ATF7IP: variants seen among roughly 807,000 people sequenced by gnomAD.
ATF7IP encodes activating transcription factor 7-interacting protein 1.
ATF7IP carries 23 observed loss-of-function variants against 106.4 expected under a neutral mutation model. The observed-to-expected ratio is 0.22, with a 90% CI of 0.16 to 0.31. ATF7IP has a LOEUF of 0.31. Among genes scored for constraint, ATF7IP ranks in the 10% least tolerant of loss-of-function variants. ATF7IP has a pLI of 1.00. For missense variants in ATF7IP, 1,334 were observed against 1,524.3 expected (o/e 0.88, Z 2.08); for synonymous variants, 542 against 539.0 (o/e 1.01, Z -0.08).
intron 5 of ATF7IP, among the ~76,000 whole-genome samples, chr12:14,444,781 A>G (rs543052699): frequency 1.3e-5 from 2 of 152,098 alleles, no homozygotes; most frequent in Non-Finnish European, 2.9e-5. Context: ...TGAATACCAC[A>G]AATGTATGTG....
intron 1 of ATF7IP, among the ~76,000 whole-genome samples, chr12:14,394,281 A>C (rs748558820): frequency 8.5e-5 from 13 of 152,228 alleles, no homozygotes; most frequent in Non-Finnish European, 1.6e-4. Context: ...GCCAAACAGC[A>C]ACCATTGAAT....
At chr12:14,497,016 T>C (rs752164064) in intron 14 of ATF7IP, among the ~76,000 whole-genome samples, 1 of 152,212 alleles carries the variant, frequency 6.6e-6, no homozygotes, top group Non-Finnish European at 1.5e-5. Flanking sequence ...TTAATACTTG[T>C]TCTTGTCCAT....
chr12:14,370,025 C>T (rs961058583), intron 1 of ATF7IP, among the ~76,000 whole-genome samples: 2 of 151,968 alleles, frequency 1.3e-5, no homozygotes, highest in African/African-American at 4.8e-5. Flanking sequence ...GCAACCTCCG[C>T]CTCCCAGGTT....
chr12:14,419,795 A>G (rs1282130384), intron 1 of ATF7IP, among the ~76,000 whole-genome samples: 1 of 152,184 alleles, frequency 6.6e-6, no homozygotes, highest in Non-Finnish European at 1.5e-5. Flanking sequence ...ATTATTATAT[A>G]TACATTTTGT....
intron 5 of ATF7IP, among the ~76,000 whole-genome samples, chr12:14,443,189 C>T (rs1048341916): frequency 3.9e-5 from 6 of 152,104 alleles, no homozygotes; most frequent in Admixed American, 1.3e-4. Context: ...TTTTGAGGAA[C>T]TGTATCAAAA....
At chr12:14,386,437 C>T (rs919980853) in intron 1 of ATF7IP, among the ~76,000 whole-genome samples, 2 of 151,952 alleles carry the variant, frequency 1.3e-5, no homozygotes, top group South Asian at 2.1e-4. Context: ...TGGTTTTGTC[C>T]GTAGAGTATT....
intron 5 of ATF7IP, among the ~76,000 whole-genome samples, chr12:14,441,187 T>TC (rs1204567770): frequency 6.6e-6 from 1 of 152,196 alleles, no homozygotes; most frequent in Non-Finnish European, 1.5e-5. Flanking sequence ...CATTTTCTGT[T>TC]CCCACCAGCA....
At chr12:14,486,200 T>C (rs12320732) in intron 13 of ATF7IP, among the ~76,000 whole-genome samples, 26 of 152,260 alleles carry the variant, frequency 1.7e-4, no homozygotes, top group Admixed American at 5.2e-4. Flanking sequence ...AGACCTGAGA[T>C]AAAATTCCAT....
intron 1 of ATF7IP, among the ~76,000 whole-genome samples, chr12:14,392,235 C>CTT (rs926670678): frequency 7.4e-6 from 1 of 135,490 alleles, no homozygotes; most frequent in Non-Finnish European, 1.5e-5. Flanking sequence ...TTTTTTTTTT[C>CTT]TTTTTTTTCT....
intron 1 of ATF7IP, among the ~76,000 whole-genome samples, chr12:14,411,253 A>G (rs527320517): frequency 6.6e-6 from 1 of 152,288 alleles, no homozygotes; most frequent in East Asian, 1.9e-4. Flanking sequence ...CATTGTTTGA[A>G]GGTTCCAATT....
intron 12 of ATF7IP, among the ~76,000 whole-genome samples, chr12:14,480,534 A>T (rs1215940688): frequency 6.6e-6 from 1 of 152,220 alleles, no homozygotes; most frequent in Non-Finnish European, 1.5e-5. Flanking sequence ...CTTGAAAAAT[A>T]AATGTGAATT....
chr12:14,479,566 A>T (rs928299735), intron 12 of ATF7IP, among the ~76,000 whole-genome samples: 1 of 152,178 alleles, frequency 6.6e-6, no homozygotes, highest in Admixed American at 6.5e-5. Context: ...TGTAGGAATC[A>T]GGATGTTTTC....
At chr12:14,389,744 C>T (rs1171854343) in intron 1 of ATF7IP, among the ~76,000 whole-genome samples, 1 of 152,178 alleles carries the variant, frequency 6.6e-6, no homozygotes, top group Non-Finnish European at 1.5e-5. Flanking sequence ...TCTCCTGCCT[C>T]AGCCTCCCGA....
chr12:14,500,955 ATATT>A lies in ATF7IP; in HGVS notation c.*2887_*2890del, dbSNP rs1410136490. The A allele has an allele frequency of 6.6e-6, 1 of 152,208 alleles. No homozygotes were observed. Among genetic ancestry groups the A allele is most frequent in the African/African-American group, 2.4e-5 (1 of 41,468 alleles). 9.4% of individuals were successfully genotyped at this position (152,208 alleles called of 1,614,324 possible). A position where few individuals can be genotyped will look rare whatever the true frequency, so the allele number is the denominator to read the frequency against. ...AATCGCAATTATTTAGGGGAGAAGT[ATATT>A]TATTATAAGATGGTGTCCTCAAATT... is the stretch of plus-strand genomic sequence containing the variant. On this transcript the variant is annotated 3_prime_UTR_variant, in exon 15 of 15. Coordinates refer to ENST00000261168, the MANE Select transcript of ATF7IP (RefSeq NM_018179.5).
chr12:14,438,039 C>T (rs1017645441), intron 4 of ATF7IP, 91 bp from the exon 5 acceptor site: 43 of 1,264,608 alleles, frequency 3.4e-5, no homozygotes, highest in Middle Eastern at 2.8e-4. Context: ...GGCGACAGAG[C>T]GAGACTCTGT....
In ATF7IP at chr12:14,496,277, T is replaced by G. The variant is rs1410889619; in HGVS notation, c.3327T>G (p.Asn1109Lys). 6.2e-7 allele frequency: 1 copy of G among 1,614,030 alleles called. No individual in the cohort carries two copies. The highest frequency in any genetic ancestry group is 8.5e-7 in the Non-Finnish European group (1 of 1,179,928). The change falls in exon 14 of 15, where the codon AAT becomes AAG. Residue 1109 changes from asparagine to lysine, a missense_variant. This residue lies in a region of ATF7IP where 370 missense variants were observed against 401.2 expected (regional missense o/e 0.92). Coordinates refer to ENST00000261168, the MANE Select transcript of ATF7IP (RefSeq NM_018179.5). ...VPQTTTYVVN[N>K]GLTLGSTGPQ... ...AAACAACCACATATGTTGTAAACAA[T>G]GGACTAACCCTGGGATCAACAGGAC...
chr12:14,374,679 T>C (rs1034314649), intron 1 of ATF7IP, among the ~76,000 whole-genome samples: 1 of 152,148 alleles, frequency 6.6e-6, no homozygotes, highest in African/African-American at 2.4e-5. Flanking sequence ...ATAAATAGTA[T>C]GTTCAAAATC....
intron 1 of ATF7IP, chr12:14,419,940 TCA>T (rs1195344128): frequency 6.6e-6 from 1 of 152,196 alleles, no homozygotes; most frequent in South Asian, 2.1e-4. Context: ...ACAGAATGTA[TCA>T]CAGTCTAGAA....
At chr12:14,377,136 A>G (rs868798795) in intron 1 of ATF7IP, among the ~76,000 whole-genome samples, 1 of 151,964 alleles carries the variant, frequency 6.6e-6, no homozygotes, top group South Asian at 2.1e-4. Context: ...CTGGGATTAC[A>G]GAAATGCACC....
Sources: gnomAD v4.1 joint callset for allele counts (sites outside exome capture counted in the v4.1 genomes callset) on GRCh38, gnomAD v4.1.1 for gene constraint, gnomAD v4.1.1 regional missense constraint, MANE v1.5 for transcripts, NCBI Gene and HGNC (gene_info 2026-07-23, HGNC 2026-07-21) for gene names.